The following BPI variants were observed in gnomAD, a reference collection of about 807,000 sequenced individuals.
BPI encodes the protein bactericidal permeability-increasing protein.
A neutral mutation model predicts 57.6 loss-of-function variants in BPI; 48 were observed. The observed-to-expected ratio is 0.83, with a 90% CI of 0.66 to 1.06. The LOEUF is 1.06. BPI is among the 50% of genes least tolerant of loss of function. The probability of loss-of-function intolerance (pLI) is 0.00; values close to 1 mark genes in which losing one functional copy is unlikely to be tolerated. For synonymous variants in BPI, 237 were observed against 238.2 expected (o/e 0.99, Z 0.05); for missense variants, 651 against 609.7 (o/e 1.07, Z -0.71).
intron 2 of BPI, 148 bp downstream of exon 2, chr20:38,307,829 C>A (rs1002417408): frequency 3.0e-6 from 2 of 677,528 alleles, no homozygotes; most frequent in Admixed American, 3.8e-5. Context: ...GGGGAGGCAA[C>A]CTCCCAGCTG....
intron 7 of BPI, among the ~76,000 whole-genome samples, chr20:38,322,290 G>A (rs1312387913): frequency 6.6e-6 from 1 of 151,924 alleles, no homozygotes; most frequent in Non-Finnish European, 1.5e-5. Flanking sequence ...AGACCAAATG[G>A]CATACTAAGA....
chr20:38,314,268 T>G (rs1600701604), intron 5 of BPI, among the ~76,000 whole-genome samples: 1 of 113,384 alleles, frequency 8.8e-6, no homozygotes, highest in Non-Finnish European at 1.8e-5. Context: ...GATGGTGAGA[T>G]TGATGATGGT....
Position 38,337,166 on chromosome 20 carries a change from A to G in BPI, c.1434A>G (p.Ala478=), listed in dbSNP as rs1418713160. The G allele has an allele frequency of 1.9e-6, 3 of 1,594,652 alleles. No homozygotes were observed. In the South Asian group the frequency reaches 3.4e-5, roughly 18 times the overall value. ...CCTAGAACTTCCTGCTGTTCGGTGC[A>G]GACGTTGTCTATAAATGAAGGCACC... ...QPHQNFLLFG[A]DVVYK Residue 478 remains alanine (A), a synonymous_variant, in exon 15 of 15, where the codon GCA becomes GCG. Coordinates refer to ENST00000642449, the MANE Select transcript of BPI (RefSeq NM_001725.3).
chr20:38,332,883 T>C (rs2076749267), intron 12 of BPI, among the ~76,000 whole-genome samples: 1 of 152,138 alleles, frequency 6.6e-6, no homozygotes, highest in South Asian at 2.1e-4. Context: ...GCACCTGCCC[T>C]GTGTCTAACG....
intron 5 of BPI, among the ~76,000 whole-genome samples, chr20:38,314,763 G>A (rs2076643660): frequency 6.9e-6 from 1 of 144,666 alleles, no homozygotes; most frequent in Non-Finnish European, 1.5e-5. Flanking sequence ...GGTGGTGATG[G>A]TAATGGTGGG....
chr20:38,318,575 G>T (rs2076665006), intron 6 of BPI, 99 bp downstream of exon 6: 2 of 1,331,552 alleles, frequency 1.5e-6, no homozygotes, highest in Non-Finnish European at 2.2e-6. Context: ...TTCCCAGACA[G>T]CCCTGGGCCT....
At chr20:38,309,609 C>T (rs941901361) in intron 3 of BPI, among the ~76,000 whole-genome samples, 8 of 152,322 alleles carry the variant, frequency 5.3e-5, no homozygotes, top group African/African-American at 1.9e-4. Flanking sequence ...ATGGCCAAAT[C>T]ATTTCACGTG....
intron 7 of BPI, among the ~76,000 whole-genome samples, chr20:38,322,594 G>C (rs2076692009): frequency 6.6e-6 from 1 of 152,096 alleles, no homozygotes; most frequent in Non-Finnish European, 1.5e-5. Context: ...ATAAATCCTA[G>C]TCAGTACATA....
intron 5 of BPI, among the ~76,000 whole-genome samples, chr20:38,314,046 G>C (rs549806771): frequency 4.6e-5 from 7 of 152,130 alleles, no homozygotes; most frequent in Admixed American, 3.3e-4. Flanking sequence ...TGATGGTGAT[G>C]GTGGTGATGA....
rs143991035 is a variant in BPI, at chr20:38,334,925, T to C, written c.1336+432T>C. On this transcript the variant is annotated intron_variant, in intron 13 of 14. Transcript: ENST00000642449. ...TTCCCTGATAACCCCTCCCAGAGCT[T>C]AGATCACCACGCTGGTAAGAGCTTC... is the stretch of plus-strand genomic sequence containing the variant. Among the ~76,000 whole-genome samples the C allele has an allele frequency of 2.4e-3, 363 of 152,158 alleles. 1 individual carries two copies. Among genetic ancestry groups the C allele is most frequent in the African/African-American group, 8.3e-3 (343 of 41,516 alleles).
At chr20:38,336,357 C>T (rs2076767543) in intron 14 of BPI, among the ~76,000 whole-genome samples, 1 of 152,092 alleles carries the variant, frequency 6.6e-6, no homozygotes, top group Admixed American at 6.6e-5. Context: ...TGCGTGCCAC[C>T]CAATGTCCCA....
intron 9 of BPI, among the ~76,000 whole-genome samples, chr20:38,325,752 T>C (rs1600709690): frequency 6.6e-6 from 1 of 151,922 alleles, no homozygotes; most frequent in African/African-American, 2.4e-5. Flanking sequence ...CTGCTAGGGG[T>C]GTCCAGGAGT....
At chr20:38,318,163 T>C (rs1245907856) in intron 5 of BPI, among the ~76,000 whole-genome samples, 1 of 151,576 alleles carries the variant, frequency 6.6e-6, no homozygotes, top group African/African-American at 2.4e-5. Flanking sequence ...TAAACCCTCA[T>C]CAGTTCCACA....
At chr20:38,335,527 C>A in intron 13 of BPI, 71 bp from the exon 14 acceptor site, 1 of 1,422,044 alleles carries the variant, frequency 7.0e-7, no homozygotes. Flanking sequence ...TACCCAGGCT[C>A]TCTGGCCCTC....
intron 4 of BPI, 133 bp downstream of exon 4, chr20:38,310,785 T>A: frequency 8.2e-7 from 1 of 1,215,348 alleles, no homozygotes; most frequent in Non-Finnish European, 1.1e-6. Flanking sequence ...AGGCATGGTA[T>A]GGGGGCCAGG....
At chr20:38,335,530 T>C in intron 13 of BPI, 68 bp from the exon 14 acceptor site, 1 of 1,446,682 alleles carries the variant, frequency 6.9e-7, no homozygotes, top group Non-Finnish European at 9.7e-7. Context: ...CCAGGCTCTC[T>C]GGCCCTCCCT....
In BPI at chr20:38,311,937, G is replaced by A. The variant is rs772549896; in HGVS notation, c.600G>A (p.Gln200=). 2.5e-6 allele frequency: 4 copies of A among 1,613,792 alleles called. No homozygotes were observed. The Admixed American group carries it at 6.7e-5, about 27-fold the overall frequency. The change falls in exon 5 of 15, where the codon CAG becomes CAA. Residue 200 remains glutamine (Q), a splice_region_variant and synonymous_variant. Coordinates refer to ENST00000642449, the MANE Select transcript of BPI (RefSeq NM_001725.3). ...ESALRNKMNS[Q]VCEKVTNSVS... Reference sequence around the variant, plus strand: ...CGCTTCGAAACAAGATGAACAGCCAGGTAGGAGGGGCTCAGAGCCCCATCA... The same window carrying A: ...CGCTTCGAAACAAGATGAACAGCCAAGTAGGAGGGGCTCAGAGCCCCATCA...
intron 3 of BPI, among the ~76,000 whole-genome samples, 161 bp from the exon 4 acceptor site, chr20:38,310,330 C>T (rs570684114): frequency 1.2e-4 from 19 of 152,334 alleles, no homozygotes; most frequent in African/African-American, 3.8e-4. Context: ...CTCTCCCATT[C>T]GGCTGCTATG....
chr20:38,320,630 C>T (rs2076676772), intron 7 of BPI, among the ~76,000 whole-genome samples: 1 of 150,698 alleles, frequency 6.6e-6, no homozygotes, highest in Non-Finnish European at 1.5e-5. Flanking sequence ...ATAGCTCTCT[C>T]CTCTTCCCCC....
Sources: gnomAD v4.1 joint callset for allele counts (sites outside exome capture counted in the v4.1 genomes callset) on GRCh38, gnomAD v4.1.1 for gene constraint, MANE v1.5 for transcripts, NCBI Gene and HGNC (gene_info 2026-07-23, HGNC 2026-07-21) for gene names.